The following VWA3B variants were observed in gnomAD, a reference collection of about 807,000 sequenced individuals.
VWA3B encodes von Willebrand factor A domain containing 3B.
In VWA3B, 138 loss-of-function variants were observed where a neutral mutation model predicts 158.3. The ratio of observed to expected loss-of-function variants is 0.87; its 90% CI spans 0.76 to 1.00. The LOEUF (loss-of-function observed/expected upper bound fraction) is 1.00. VWA3B is among the 50% of genes least tolerant of loss of function. The pLI is 0.00. For missense variants in VWA3B, 1,555 were observed against 1,565.1 expected (o/e 0.99, Z 0.11); for synonymous variants, 596 against 587.3 (o/e 1.01, Z -0.21).
At chr2:98,129,062 T>A (rs1336358153) in intron 6 of VWA3B, among the ~76,000 whole-genome samples, 1 of 151,228 alleles carries the variant, frequency 6.6e-6, no homozygotes, top group East Asian at 1.9e-4. Flanking sequence ...GCTTAACAAG[T>A]ATTTATTTCT....
intron 13 of VWA3B, among the ~76,000 whole-genome samples, chr2:98,214,214 C>A (rs1447016479): frequency 2.7e-5 from 4 of 150,196 alleles, no homozygotes; most frequent in African/African-American, 9.7e-5. Flanking sequence ...AAAAAAAAAG[C>A]AAAACACAAA....
chr2:98,282,627 C>T (rs759080877), intron 22 of VWA3B, among the ~76,000 whole-genome samples: 137 of 151,912 alleles, frequency 9.0e-4, no homozygotes, highest in Non-Finnish European at 1.2e-3. Flanking sequence ...TTAGTAGAGA[C>T]AGGGTTTTGC....
intron 19 of VWA3B, among the ~76,000 whole-genome samples, chr2:98,246,879 C>T (rs1009842289): frequency 4.0e-5 from 6 of 151,844 alleles, no homozygotes; most frequent in Admixed American, 2.0e-4. Context: ...TTTGTAAATA[C>T]GAATATATTT....
intron 9 of VWA3B, among the ~76,000 whole-genome samples, chr2:98,181,688 C>A (rs1409802415): frequency 6.6e-6 from 1 of 152,164 alleles, no homozygotes; most frequent in Non-Finnish European, 1.5e-5. Context: ...GGGCTATAAC[C>A]ATTAAAAACT....
At chr2:98,146,196 T>G (rs1677162972) in intron 7 of VWA3B, among the ~76,000 whole-genome samples, 1 of 152,228 alleles carries the variant, frequency 6.6e-6, no homozygotes, top group Admixed American at 6.5e-5. Flanking sequence ...TAAGGACTCC[T>G]TGGTAACATT....
chr2:98,211,101 G>A (rs1438661716), intron 12 of VWA3B, among the ~76,000 whole-genome samples: 1 of 152,254 alleles, frequency 6.6e-6, no homozygotes, highest in Non-Finnish European at 1.5e-5. Context: ...CGTTCCTGAT[G>A]AGAGGTCCCA....
chr2:98,145,819 A>C (rs1677132598), intron 7 of VWA3B, among the ~76,000 whole-genome samples: 1 of 152,030 alleles, frequency 6.6e-6, no homozygotes, highest in Non-Finnish European at 1.5e-5. Context: ...TCCTGGGTTC[A>C]AGGGATCTTC....
intron 9 of VWA3B, among the ~76,000 whole-genome samples, chr2:98,181,523 G>C (rs1437573859): frequency 6.6e-6 from 1 of 152,208 alleles, no homozygotes; most frequent in Admixed American, 6.5e-5. Context: ...GAAGCCCTTT[G>C]TTCCCCCATA....
chr2:98,255,217 A>G (rs1429065263), intron 20 of VWA3B, among the ~76,000 whole-genome samples: 4 of 112,090 alleles, frequency 3.6e-5, no homozygotes, highest in Non-Finnish European at 5.0e-5. Context: ...TTTTTAGTAC[A>G]GACAGGGTTT....
At chr2:98,298,447 C>T (rs986179589) in intron 24 of VWA3B, among the ~76,000 whole-genome samples, 36 of 146,356 alleles carry the variant, frequency 2.5e-4, no homozygotes, top group African/African-American at 8.6e-4. Context: ...CTATTCTATG[C>T]CATGCCATGC....
the VWA3B span, among the ~76,000 whole-genome samples, chr2:98,323,625 T>C: frequency 6.6e-6 from 1 of 152,026 alleles, no homozygotes; most frequent in African/African-American, 2.4e-5. Flanking sequence ...AAGAAATTAC[T>C]CCTACACACA....
chr2:98,102,742 G>C (rs886596690), intron 2 of VWA3B, among the ~76,000 whole-genome samples: 31 of 152,196 alleles, frequency 2.0e-4, no homozygotes, highest in Admixed American at 6.5e-5. Context: ...GACTCAAAAT[G>C]ATTTGGAAGT....
At chr2:98,118,971 G>C (rs1218554493) in intron 3 of VWA3B, among the ~76,000 whole-genome samples, 1 of 152,206 alleles carries the variant, frequency 6.6e-6, no homozygotes, top group Non-Finnish European at 1.5e-5. Flanking sequence ...TAGCAGCAGT[G>C]AGTGATCAGG....
chr2:98,215,611 G>T (rs966530761), intron 13 of VWA3B, among the ~76,000 whole-genome samples: 14 of 150,102 alleles, frequency 9.3e-5, no homozygotes, highest in African/African-American at 3.4e-4. Flanking sequence ...TCCACCTCCC[G>T]GGTTCACGCC....
chr2:98,236,504 GTTCTGTT>G, intron 18 of VWA3B, 27 bp downstream of exon 18: 1 of 1,614,118 alleles, frequency 6.2e-7, no homozygotes, highest in Non-Finnish European at 8.5e-7. Context: ...GACAAAGACA[GTTCTGTT>G]ATGCTTCTGT....
chr2:98,250,423 C>T lies in VWA3B; in HGVS notation c.2779C>T (p.Gln927Ter). 6.2e-7 allele frequency: 1 copy of T among 1,609,868 alleles called. No individual in the cohort carries two copies. The highest frequency in any genetic ancestry group is 8.5e-7 in the Non-Finnish European group (1 of 1,178,170). Residue 927 changes from glutamine (Q) to a stop codon, truncating the protein, a stop_gained, in exon 20 of 28, where the codon CAA becomes TAA. Coordinates refer to ENST00000477737, the MANE Select transcript of VWA3B (RefSeq NM_144992.5). LOFTEE classifies it high-confidence loss of function. Reference sequence around the variant, plus strand: ...CAAGCGAAAAGTGGAACAGGCAATTCAATCCTATGAAAAGTGAGTATTACT... The same window carrying T: ...CAAGCGAAAAGTGGAACAGGCAATTTAATCCTATGAAAAGTGAGTATTACT... ...IYKRKVEQAI[Q>*]SYEKRLNKIV...
At chr2:98,116,601 G>A (rs920605049) in intron 3 of VWA3B, among the ~76,000 whole-genome samples, 44 of 152,112 alleles carry the variant, frequency 2.9e-4, no homozygotes, top group African/African-American at 1.0e-3. Flanking sequence ...TGACCTCCCG[G>A]GTCCGAGCGA....
chr2:98,128,542 T>C, intron 6 of VWA3B, 134 bp downstream of exon 6: 1 of 856,092 alleles, frequency 1.2e-6, no homozygotes, highest in Non-Finnish European at 1.8e-6. Flanking sequence ...TATTATTTAG[T>C]CTCTCTGCAT....
Position 98,230,116 on chromosome 2 carries a change from C to T in VWA3B, c.2217C>T (p.Val739=), listed in dbSNP as rs765160787. The change falls in exon 16 of 28, where the codon GTC becomes GTT. Residue 739 remains valine (V), a synonymous_variant. Coordinates refer to ENST00000477737, the MANE Select transcript of VWA3B (RefSeq NM_144992.5). The stretch of plus-strand genomic sequence containing the variant: ...AGTGTGCAAAGCCTCAATCTGATGT[C>T]GATTCAACACAAACTTCATCTCTGA... ...PEKCAKPQSD[V]DSTQTSSLNM... is the part of the protein sequence containing the mutation. The T allele has an allele frequency of 1.6e-5, 26 of 1,611,182 alleles. No homozygotes were observed. In the East Asian group the frequency reaches 4.9e-4, roughly 30 times the overall value.
Sources: allele counts gnomAD v4.1 joint callset (sites outside exome capture counted in the v4.1 genomes callset), GRCh38; gene constraint gnomAD v4.1.1; transcripts MANE v1.5; gene names NCBI Gene and HGNC (gene_info 2026-07-23, HGNC 2026-07-21).